TBCK: variants seen among roughly 807,000 people sequenced by gnomAD.
The protein encoded by TBCK is TBC1 domain containing kinase.
TBCK carries 99 observed loss-of-function variants against 113.4 expected under a neutral mutation model. The observed-to-expected ratio is 0.87, with a 90% confidence interval of 0.74 to 1.03. The LOEUF (loss-of-function observed/expected upper bound fraction) is 1.03. Among genes scored for constraint, TBCK ranks in the 50% least tolerant of loss-of-function variants. The probability of loss-of-function intolerance (pLI) is 0.00; values close to 1 mark genes in which losing one functional copy is unlikely to be tolerated. For synonymous variants in TBCK, 369 were observed against 370.8 expected, an observed-to-expected ratio of 1.00 and a Z score of 0.05; for missense variants, 1,045 against 1,061.3, an observed-to-expected ratio of 0.98 and a Z score of 0.21.
intron 23 of TBCK, among the ~76,000 whole-genome samples, chr4:106,143,185 A>AC (rs774306745): frequency 3.0e-4 from 46 of 152,026 alleles, no homozygotes; most frequent in Non-Finnish European, 5.7e-4. Flanking sequence ...CCACCAAAAA[A>AC]CCCCAAATCT....
At chr4:106,198,041 C>T (rs1579209324) in intron 20 of TBCK, among the ~76,000 whole-genome samples, 3 of 151,826 alleles carry the variant, frequency 2.0e-5, no homozygotes, top group Non-Finnish European at 4.4e-5. Context: ...TGTTCCACCA[C>T]ATCAATATGT....
At chr4:106,276,509 C>T (rs1025203032) in intron 3 of TBCK, among the ~76,000 whole-genome samples, 10 of 152,088 alleles carry the variant, frequency 6.6e-5, no homozygotes, top group African/African-American at 1.2e-4. Context: ...CCCAGAAGTT[C>T]GAGACCAGCC....
chr4:106,231,821 A>C lies in TBCK; in HGVS notation c.1640-42T>G, dbSNP rs749914410. 4 of 1,538,042 alleles carry C rather than the reference A, an allele frequency of 2.6e-6. No individual in the cohort carries two copies. The South Asian group carries it at 4.6e-5, about 18-fold the overall frequency. On this transcript the variant is annotated intron_variant, in intron 17 of 25. Transcript: ENST00000394708. ...GGGAGAAAGAAGTCAAATAAATATAATCTAGTAGAATTGAAGATATATACC... is the reference window on the plus strand; with the variant it reads ...GGGAGAAAGAAGTCAAATAAATATACTCTAGTAGAATTGAAGATATATACC...
Position 106,116,317 on chromosome 4 carries a change from T to C in TBCK, c.2297A>G (p.Glu766Gly). The C allele has an allele frequency of 7.4e-6, 12 of 1,614,038 alleles. No individual in the cohort carries two copies. Among genetic ancestry groups the C allele is most frequent in the Non-Finnish European group, 1.0e-5 (12 of 1,180,012 alleles). Residue 766 changes from glutamate to glycine, a missense_variant, in exon 24 of 26, where the codon GAG becomes GGG. Transcript: ENST00000394708. ...GAGCTCACACAAGTCAATCAGGTCC[T>C]CTGCTGAAATCCGTGGTGATACTTC... ...KSEVSPRISA[E>G]DLIDLCELTV...
intron 12 of TBCK, chr4:106,237,504 G>C (rs1386079274): frequency 2.2e-6 from 1 of 455,944 alleles, no homozygotes; most frequent in Non-Finnish European, 4.4e-6. Flanking sequence ...CTGCTCTGCT[G>C]TTCAACTTCC....
intron 12 of TBCK, among the ~76,000 whole-genome samples, chr4:106,238,188 A>C (rs1759685179): frequency 6.6e-6 from 1 of 152,054 alleles, no homozygotes; most frequent in South Asian, 2.1e-4. Context: ...TTTGGATGTA[A>C]TTTATTGTTC....
At chr4:106,276,755 C>T (rs1465334767) in intron 3 of TBCK, among the ~76,000 whole-genome samples, 1 of 151,750 alleles carries the variant, frequency 6.6e-6, no homozygotes, top group Admixed American at 6.6e-5. Context: ...ATTGGCCGGC[C>T]GTGGTGGAGG....
intron 22 of TBCK, among the ~76,000 whole-genome samples, chr4:106,172,377 A>G (rs1266671784): frequency 2.0e-5 from 3 of 152,144 alleles, no homozygotes; most frequent in South Asian, 2.1e-4. Context: ...GGAGGCCAAC[A>G]GTCCTGATGA....
chr4:106,307,364 T>C (rs4607300), intron 2 of TBCK, among the ~76,000 whole-genome samples: 23,535 of 152,126 alleles, frequency 0.15, 1,922 homozygotes, highest in South Asian at 0.25. Context: ...AATTAAAATA[T>C]GTAAAACACT....
chr4:106,250,356 G>T, intron 7 of TBCK, 62 bp downstream of exon 7: 4 of 1,107,570 alleles, frequency 3.6e-6, no homozygotes, highest in Non-Finnish European at 5.3e-6. Context: ...TCCTCAATGT[G>T]CATGATTACT....
chr4:106,225,840 C>A (rs1215185427), intron 19 of TBCK, among the ~76,000 whole-genome samples: 1 of 151,996 alleles, frequency 6.6e-6, no homozygotes, highest in Non-Finnish European at 1.5e-5. Flanking sequence ...AAGACATTGT[C>A]TTGCATATCT....
chr4:106,157,225 A>G (rs1749235435), intron 23 of TBCK, among the ~76,000 whole-genome samples: 1 of 152,144 alleles, frequency 6.6e-6, no homozygotes, highest in Non-Finnish European at 1.5e-5. Flanking sequence ...GATGTAAGAC[A>G]GAGACCTCTT....
chr4:106,308,642 TGA>T (rs1767802899), intron 2 of TBCK, 124 bp downstream of exon 2: 3 of 828,580 alleles, frequency 3.6e-6, no homozygotes, highest in Non-Finnish European at 5.5e-6. Context: ...GGGAAAAGGA[TGA>T]GAGAAAGAAG....
chr4:106,066,639 A>T (rs937052235), intron 25 of TBCK, among the ~76,000 whole-genome samples: 2 of 151,988 alleles, frequency 1.3e-5, no homozygotes, highest in Non-Finnish European at 2.9e-5. Flanking sequence ...AATTTTTTTC[A>T]TCATCTCAGA....
intron 4 of TBCK, among the ~76,000 whole-genome samples, chr4:106,261,652 C>T (rs9684658): frequency 0.17 from 26,315 of 151,818 alleles, 2,316 homozygotes; most frequent in South Asian, 0.25. Context: ...AGGAGGTAGG[C>T]ATGAACAGTT....
At chr4:106,097,888 TAGA>T (rs1357250627) in intron 24 of TBCK, among the ~76,000 whole-genome samples, 1 of 151,980 alleles carries the variant, frequency 6.6e-6, no homozygotes, top group Non-Finnish European at 1.5e-5. Flanking sequence ...AAGAGGAAAA[TAGA>T]AGAAAATTTT....
intron 22 of TBCK, among the ~76,000 whole-genome samples, chr4:106,188,431 A>G (rs904631336): frequency 5.3e-5 from 8 of 152,220 alleles, no homozygotes; most frequent in Non-Finnish European, 1.0e-4. Flanking sequence ...ATAAACATTC[A>G]ATAGTAAAGC....
rs751214390 is a variant in TBCK, at chr4:106,237,885, CTAAT to C, written c.1171-1081_1171-1078del. Among the ~76,000 whole-genome samples the C allele has an allele frequency of 1.3e-3, 202 of 152,082 alleles. 1 individual carries two copies. Among genetic ancestry groups the C allele is most frequent in the Non-Finnish European group, 1.7e-3 (115 of 67,942 alleles). ...GTATACTGTATGTCATAGATTTTAT[CTAAT>C]TAAGTATCTTGTCTGTCTTTTCTAA... On this transcript the variant is annotated intron_variant, in intron 12 of 25. Coordinates refer to ENST00000394708, the MANE Select transcript of TBCK (RefSeq NM_001163435.3).
chr4:106,250,430 A>C lies in TBCK; in HGVS notation c.646T>G (p.Leu216Val). ...GTACGACACTTACCCAAAGTAAGCA[A>C]AAATTTTAGTCTTTCAGAAATATCC... is the stretch of plus-strand genomic sequence containing the variant. ...SLDISERLKF[L>V]LTLDCVDDTL... The change falls in exon 7 of 26, where the codon TTG becomes GTG. Residue 216 changes from leucine to valine, a missense_variant. Coordinates refer to ENST00000394708, the MANE Select transcript of TBCK (RefSeq NM_001163435.3). 6.4e-7 allele frequency: 1 copy of C among 1,567,854 alleles called. No individual in the cohort carries two copies. The highest frequency in any genetic ancestry group is 1.4e-5 in the African/African-American group (1 of 73,460).
Sources: allele counts gnomAD v4.1 joint callset (sites outside exome capture counted in the v4.1 genomes callset), GRCh38; gene constraint gnomAD v4.1.1; transcripts MANE v1.5; gene names NCBI Gene and HGNC (gene_info 2026-07-23, HGNC 2026-07-21).